The following DCX variants were observed in gnomAD, a reference collection of about 807,000 sequenced individuals.
DCX encodes neuronal migration protein doublecortin.
A neutral mutation model predicts 20.9 loss-of-function variants in DCX; 4 were observed. That is an observed-to-expected ratio of 0.19 (90% CI 0.09 to 0.44). DCX has a LOEUF of 0.44. DCX is among the 20% of genes least tolerant of loss of function. The pLI is 0.99. For synonymous variants in DCX, 103 were observed against 111.4 expected, an observed-to-expected ratio of 0.92 and a Z score of 0.47; for missense variants, 133 against 296.9, an observed-to-expected ratio of 0.45 and a Z score of 4.06.
chrX:111,346,643 T>C (rs1014498118), intron 3 of DCX, among the ~76,000 whole-genome samples: 2 of 112,126 alleles, frequency 1.8e-5, no homozygotes, highest in African/African-American at 6.5e-5. Context: ...GATCGAACGA[T>C]ACTGTGAATG....
chrX:111,327,168 T>C (rs1430033586), intron 5 of DCX, among the ~76,000 whole-genome samples: 1 of 111,912 alleles, frequency 8.9e-6, no homozygotes, highest in East Asian at 2.8e-4. Flanking sequence ...CTATCTTCCA[T>C]AGACTTGGAT....
intron 3 of DCX, among the ~76,000 whole-genome samples, chrX:111,400,326 G>C (rs1009591422): frequency 5.4e-5 from 6 of 111,998 alleles, no homozygotes; most frequent in African/African-American, 1.3e-4. Flanking sequence ...CCAATGACAT[G>C]AAGAACCTGA....
chrX:111,323,603 G>GT (rs780794851), intron 5 of DCX, among the ~76,000 whole-genome samples: 4,481 of 52,015 alleles, frequency 0.086, 198 homozygotes, highest in African/African-American at 0.14. Context: ...TATTATTTCT[G>GT]TTTTTTTTTT....
intron 6 of DCX, among the ~76,000 whole-genome samples, chrX:111,306,883 C>T (rs750836531): frequency 9.0e-6 from 1 of 111,241 alleles, no homozygotes; most frequent in South Asian, 3.8e-4. Context: ...AATCACAACA[C>T]ACCAAAACTT....
Position 111,332,235 on chromosome X carries a change from T to C in DCX, c.808+816A>G, listed in dbSNP as rs188268896. ...CTGAAGATACAGAAGGTATAGGAAA[T>C]TGGACATAACCTGAGGTTTGTTTAG... On this transcript the variant is annotated intron_variant, in intron 4 of 6. Coordinates refer to ENST00000636035, the MANE Select transcript of DCX (RefSeq NM_001195553.2). 2.2e-4 allele frequency among the ~76,000 whole-genome samples: 25 copies of C among 112,332 alleles called. No homozygotes were observed. The Admixed American group carries it at 2.3e-3, about 10-fold the overall frequency.
intron 3 of DCX, among the ~76,000 whole-genome samples, chrX:111,368,425 C>G (rs1479793693): frequency 9.0e-6 from 1 of 111,701 alleles, no homozygotes; most frequent in Non-Finnish European, 1.9e-5. Context: ...ATTTAAAGAG[C>G]TTCCAGAACG....
intron 5 of DCX, among the ~76,000 whole-genome samples, chrX:111,316,215 TCA>T (rs746917832): frequency 1.8e-5 from 2 of 110,197 alleles, no homozygotes; most frequent in East Asian, 5.7e-4. Flanking sequence ...ATGTCCTCTC[TCA>T]CCACTCCCTT....
intron 5 of DCX, among the ~76,000 whole-genome samples, chrX:111,323,082 A>G (rs1369349995): frequency 2.7e-5 from 3 of 111,759 alleles, no homozygotes; most frequent in African/African-American, 6.5e-5. Context: ...TTTATTTCCT[A>G]CTGAGAAACA....
intron 3 of DCX, among the ~76,000 whole-genome samples, chrX:111,339,102 G>A (rs751709699): frequency 8.0e-5 from 9 of 112,312 alleles, no homozygotes; most frequent in African/African-American, 2.9e-4. Context: ...TCTTTTGCTA[G>A]ATTCTTTTCC....
intron 5 of DCX, among the ~76,000 whole-genome samples, chrX:111,330,383 C>T (rs769671431): frequency 4.5e-5 from 5 of 111,761 alleles, no homozygotes; most frequent in Admixed American, 1.9e-4. Flanking sequence ...CTTTACTTTC[C>T]GGTTGTGAGG....
intron 5 of DCX, among the ~76,000 whole-genome samples, chrX:111,327,147 C>A (rs768657751): frequency 8.9e-6 from 1 of 111,871 alleles, no homozygotes; most frequent in African/African-American, 3.2e-5. Flanking sequence ...GGAAGACAAT[C>A]TTCCATTGGT....
At position 111,300,058 on chromosome X, in the gene DCX, C is replaced by T. The variant is rs2095030497; in HGVS notation, c.*1629G>A. ...ACACACACACACAGCAAGCTCATTCCATTTAGAGTGGAGGAACAACTGCAA... is the reference window on the plus strand; with the variant it reads ...ACACACACACACAGCAAGCTCATTCTATTTAGAGTGGAGGAACAACTGCAA... On this transcript the variant is annotated 3_prime_UTR_variant, in exon 7 of 7. Transcript: ENST00000636035. 8.9e-6 allele frequency: 1 copy of T among 111,813 alleles called. No individual in the cohort carries two copies. Among genetic ancestry groups the T allele is most frequent in the Non-Finnish European group, 1.9e-5 (1 of 53,158 alleles). The allele number at this position is 111,813 out of a possible 1,213,427, so 9.2% of individuals were successfully genotyped here.
At chrX:111,348,874 AAAAAGAAAAGAAAAG>A (rs752352505) in intron 3 of DCX, among the ~76,000 whole-genome samples, 1 of 109,611 alleles carries the variant, frequency 9.1e-6, no homozygotes, top group Non-Finnish European at 1.9e-5. Flanking sequence ...TTAAAAAAAA[AAAAAGAAAAGAAAAG>A]AAAAGAAAAG....
chrX:111,323,603 G>GTTTTTT (rs780794851), intron 5 of DCX, among the ~76,000 whole-genome samples: 7 of 52,164 alleles, frequency 1.3e-4, no homozygotes, highest in Admixed American at 2.3e-4. Flanking sequence ...TATTATTTCT[G>GTTTTTT]TTTTTTTTTT....
At chrX:111,377,689 A>G (rs1925646106) in intron 3 of DCX, among the ~76,000 whole-genome samples, 1 of 111,181 alleles carries the variant, frequency 9.0e-6, no homozygotes, top group Admixed American at 9.5e-5. Flanking sequence ...GATGGTGCAC[A>G]TGGTTTTTAT....
chrX:111,372,706 C>T (rs745792356), intron 3 of DCX, among the ~76,000 whole-genome samples: 7 of 111,562 alleles, frequency 6.3e-5, no homozygotes, highest in Non-Finnish European at 9.4e-5. Flanking sequence ...AACTCTGTAG[C>T]TAAGTCTTAA....
At chrX:111,346,222 C>T (rs1235806783) in intron 3 of DCX, among the ~76,000 whole-genome samples, 1 of 111,437 alleles carries the variant, frequency 9.0e-6, no homozygotes, top group African/African-American at 3.3e-5. Flanking sequence ...TTTTGCTGTG[C>T]AGAAGCTCTT....
intron 1 of DCX, chrX:111,411,813 T>A: frequency 8.9e-6 from 1 of 111,853 alleles, no homozygotes; most frequent in South Asian, 3.8e-4. Flanking sequence ...GCATTGTCTC[T>A]GTCAGACAAC....
chrX:111,394,715 A>G (rs909871262), intron 3 of DCX, among the ~76,000 whole-genome samples: 2 of 112,074 alleles, frequency 1.8e-5, no homozygotes, highest in African/African-American at 6.5e-5. Flanking sequence ...CAAGGCATTT[A>G]GCACCAGTGC....
Sources: allele counts gnomAD v4.1 joint callset (sites outside exome capture counted in the v4.1 genomes callset), GRCh38; gene constraint gnomAD v4.1.1; transcripts MANE v1.5; gene names NCBI Gene and HGNC (gene_info 2026-07-23, HGNC 2026-07-21).